Variants in RBFOX1 observed in about 807,000 individuals in gnomAD.
The protein encoded by RBFOX1 is RNA binding fox-1 homolog 1.
In RBFOX1, 8 loss-of-function variants were observed where a neutral mutation model predicts 57.7. That is an observed-to-expected ratio of 0.14 (90% CI 0.08 to 0.25). The LOEUF (loss-of-function observed/expected upper bound fraction) is 0.25. RBFOX1 is among the 10% of genes least tolerant of loss of function. The pLI is 1.00. For synonymous variants in RBFOX1, 326 were observed against 222.4 expected (o/e 1.47, Z -4.15); for missense variants, 611 against 548.5 (o/e 1.11, Z -1.14).
At position 6,047,247 on chromosome 16, in the gene RBFOX1, C is replaced by T. The variant is rs972082545; in HGVS notation, c.-127+27255C>T. Among the ~76,000 whole-genome samples the T allele has an allele frequency of 3.9e-5, 6 of 152,196 alleles. No individual in the cohort carries two copies. In the East Asian group the frequency reaches 5.8e-4, roughly 15 times the overall value. On this transcript the variant is annotated intron_variant, in intron 1 of 15. Coordinates refer to ENST00000550418, the MANE Select transcript of RBFOX1 (RefSeq NM_018723.4). ...ATGTGCGTGTGTTTCCTCCTGCCAG[C>T]CCATGAGGTTAGCCAACCCCACACA...
Position 7,265,173 on chromosome 16 carries a change from G to A in RBFOX1, c.27+213075G>A, listed in dbSNP as rs551740168. 3.9e-5 allele frequency among the ~76,000 whole-genome samples: 6 copies of A among 152,280 alleles called. No homozygotes were observed. In the East Asian group the frequency reaches 9.7e-4, roughly 25 times the overall value. Reference sequence around the variant, plus strand: ...AGTGGTTATCTTAGTCTATCCAGTTGCCATAGCAAAGTGCCATAGACAGGG... The same window carrying A: ...AGTGGTTATCTTAGTCTATCCAGTTACCATAGCAAAGTGCCATAGACAGGG... On this transcript the variant is annotated intron_variant, in intron 4 of 15. Transcript: ENST00000550418.
chr16:6,991,464 G>A (rs1310869314), intron 3 of RBFOX1, among the ~76,000 whole-genome samples: 4 of 152,142 alleles, frequency 2.6e-5, no homozygotes, highest in East Asian at 1.9e-4. Context: ...GCACAAATAC[G>A]TAGATAAGTC....
intron 7 of RBFOX1, among the ~76,000 whole-genome samples, chr16:7,595,202 T>G (rs2152945927): frequency 6.6e-6 from 1 of 152,348 alleles, no homozygotes; most frequent in African/African-American, 2.4e-5. Flanking sequence ...TTTCTTTTCC[T>G]CATTATTTCA....
In RBFOX1 at chr16:6,808,324, T is replaced by A. The variant is rs2087472034; in HGVS notation, c.-16+153674T>A. Among the ~76,000 whole-genome samples, 7 of 152,098 alleles carry A rather than the reference T, an allele frequency of 4.6e-5. No individual in the cohort carries two copies. In the South Asian group the frequency reaches 1.5e-3, roughly 32 times the overall value. On this transcript the variant is annotated intron_variant, in intron 3 of 15. Transcript: ENST00000550418. Reference sequence around the variant, plus strand: ...TTTCTAATATCACCCCACCACTGATTCCCATCTGATTATGCCTACTTCACT... The same window carrying A: ...TTTCTAATATCACCCCACCACTGATACCCATCTGATTATGCCTACTTCACT...
chr16:5,990,548 G>T (rs2060375125), intron 4 of RBFOX1, among the ~76,000 whole-genome samples: 1 of 152,090 alleles, frequency 6.6e-6, no homozygotes, highest in Non-Finnish European at 1.5e-5. Flanking sequence ...GACTTGTTCT[G>T]TGGGTTATAA....
intron 3 of RBFOX1, among the ~76,000 whole-genome samples, chr16:6,827,703 G>T (rs74009311): frequency 3.3e-5 from 5 of 152,014 alleles, no homozygotes; most frequent in Admixed American, 3.3e-4. Context: ...GCTTCTCTCC[G>T]TCCCATGGTT....
chr16:5,601,194 A>C (rs1281443499), downstream of RBFOX1: 3 of 152,358 alleles, frequency 2.0e-5, no homozygotes, highest in East Asian at 5.8e-4. Context: ...GGAATCTGGG[A>C]GTGGTTTGCT....
intron 4 of RBFOX1, among the ~76,000 whole-genome samples, chr16:7,449,275 T>A (rs575661717): frequency 6.6e-6 from 1 of 152,236 alleles, no homozygotes; most frequent in East Asian, 1.9e-4. Context: ...AGGTGGACAT[T>A]TTTAAAATAA....
intron 3 of RBFOX1, among the ~76,000 whole-genome samples, chr16:6,732,638 A>C (rs2068960298): frequency 6.6e-6 from 1 of 152,256 alleles, no homozygotes; most frequent in Admixed American, 6.5e-5. Flanking sequence ...AAGGACAGTG[A>C]CATTGGAGAG....
At chr16:5,910,859 C>T (rs1247854274) in intron 4 of RBFOX1, among the ~76,000 whole-genome samples, 4 of 152,162 alleles carry the variant, frequency 2.6e-5, no homozygotes, top group African/African-American at 9.7e-5. Context: ...GCTCCCTGTT[C>T]CGTGACAGAT....
chr16:5,475,008 C>T (rs1300991839), intron 2 of RBFOX1, among the ~76,000 whole-genome samples: 5 of 152,082 alleles, frequency 3.3e-5, no homozygotes, highest in Admixed American at 6.6e-5. Flanking sequence ...TCTTTGGTTC[C>T]GATGGGTAGG....
At chr16:6,355,216 T>C (rs1451575703) in intron 2 of RBFOX1, among the ~76,000 whole-genome samples, 1 of 152,166 alleles carries the variant, frequency 6.6e-6, no homozygotes, top group East Asian at 1.9e-4. Flanking sequence ...ACGTGTGCCA[T>C]GGTGGTTTGC....
intron 1 of RBFOX1, among the ~76,000 whole-genome samples, chr16:6,256,959 T>C (rs2097671586): frequency 6.6e-6 from 1 of 152,146 alleles, no homozygotes; most frequent in African/African-American, 2.4e-5. Context: ...CCCCAAAGCG[T>C]AAACCTTACA....
At chr16:5,243,179 G>A (rs977500613) in intron 1 of RBFOX1, among the ~76,000 whole-genome samples, 3 of 152,188 alleles carry the variant, frequency 2.0e-5, no homozygotes, top group African/African-American at 7.2e-5. Context: ...GAGGGAGAGA[G>A]AAGTCTCTCC....
intron 1 of RBFOX1, among the ~76,000 whole-genome samples, chr16:5,431,792 T>A (rs576443758): frequency 5.9e-5 from 9 of 152,358 alleles, no homozygotes; most frequent in African/African-American, 1.7e-4. Flanking sequence ...GCAGGAAGCC[T>A]GGCCTCTAAG....
chr16:7,609,549 A>T (rs541241606), intron 10 of RBFOX1, among the ~76,000 whole-genome samples: 1 of 152,306 alleles, frequency 6.6e-6, no homozygotes, highest in Non-Finnish European at 1.5e-5. Flanking sequence ...TCATTAAGTT[A>T]GAGGAAAAGA....
chr16:6,312,119 G>T (rs2080394094), intron 1 of RBFOX1, among the ~76,000 whole-genome samples: 1 of 152,136 alleles, frequency 6.6e-6, no homozygotes, highest in Admixed American at 6.5e-5. Context: ...CTCTGAGATG[G>T]TCTTATACAT....
At chr16:7,582,454 T>C (rs2093846245) in intron 6 of RBFOX1, among the ~76,000 whole-genome samples, 1 of 152,216 alleles carries the variant, frequency 6.6e-6, no homozygotes. Context: ...ACAACCACTA[T>C]TCTAAAGAAA....
At chr16:6,823,993 G>A (rs1036476211) in intron 3 of RBFOX1, among the ~76,000 whole-genome samples, 1 of 152,170 alleles carries the variant, frequency 6.6e-6, no homozygotes, top group Non-Finnish European at 1.5e-5. Flanking sequence ...GTATGAGCTG[G>A]CCCCATGAAT....
Sources: gnomAD v4.1 joint callset for allele counts (sites outside exome capture counted in the v4.1 genomes callset) on GRCh38, gnomAD v4.1.1 for gene constraint, MANE v1.5 for transcripts, NCBI Gene and HGNC (gene_info 2026-07-23, HGNC 2026-07-21) for gene names.